The following MXI1 variants were observed in gnomAD, a reference collection of about 807,000 sequenced individuals.
MXI1 encodes max-interacting protein 1.
A neutral mutation model predicts 36.9 loss-of-function variants in MXI1; 18 were observed. The observed-to-expected ratio is 0.49, with a 90% CI of 0.34 to 0.72. The LOEUF (loss-of-function observed/expected upper bound fraction) is 0.72. Ranked by LOEUF, MXI1 falls within the 30% of genes least tolerant of loss-of-function variation. The probability of loss-of-function intolerance (pLI) is 0.01; values close to 1 mark genes in which losing one functional copy is unlikely to be tolerated. For missense variants in MXI1, 304 were observed against 379.1 expected (o/e 0.80, Z 1.64); for synonymous variants, 160 against 146.7 (o/e 1.09, Z -0.65).
intron 3 of MXI1, among the ~76,000 whole-genome samples, chr10:110,264,705 C>A (rs987081523): frequency 2.0e-5 from 3 of 152,034 alleles, no homozygotes; most frequent in African/African-American, 7.3e-5. Flanking sequence ...TAAACTTCAT[C>A]CAGATGAAGA....
Position 110,287,356 on chromosome 10 carries a change from G to A in MXI1, c.*2369G>A, listed in dbSNP as rs566750724. 12 of 152,278 alleles carry A rather than the reference G, an allele frequency of 7.9e-5. No individual in the cohort carries two copies. The highest frequency in any genetic ancestry group is 2.4e-4 in the African/African-American group (10 of 41,568). The allele number at this position is 152,278 out of a possible 1,614,324, so 9.4% of individuals were successfully genotyped here. Reference sequence around the variant, plus strand: ...GTTAATTGGAAGAAATAAAAACTGTGAACGAAGAATACCTTTCTTTTTGTA... The same window carrying A: ...GTTAATTGGAAGAAATAAAAACTGTAAACGAAGAATACCTTTCTTTTTGTA... On this transcript the variant is annotated 3_prime_UTR_variant, in exon 6 of 6. Coordinates refer to ENST00000332674, the MANE Select transcript of MXI1 (RefSeq NM_130439.3).
At chr10:110,243,906 T>G (rs1855764090) in intron 2 of MXI1, among the ~76,000 whole-genome samples, 1 of 152,112 alleles carries the variant, frequency 6.6e-6, no homozygotes. Flanking sequence ...GTCTGTGCCC[T>G]TAACCTCTGT....
At chr10:110,248,522 G>T (rs888678110) in intron 3 of MXI1, among the ~76,000 whole-genome samples, 1 of 152,014 alleles carries the variant, frequency 6.6e-6, no homozygotes, top group Non-Finnish European at 1.5e-5. Flanking sequence ...TAACACATGT[G>T]GTTTTATTAC....
At chr10:110,237,276 T>G (rs1855508007) in intron 2 of MXI1, among the ~76,000 whole-genome samples, 1 of 152,232 alleles carries the variant, frequency 6.6e-6, no homozygotes, top group Admixed American at 6.5e-5. Flanking sequence ...CTTGCCCTGT[T>G]CCTGATCTTA....
intron 2 of MXI1, among the ~76,000 whole-genome samples, chr10:110,243,261 A>G (rs1013868007): frequency 1.3e-4 from 20 of 152,084 alleles, no homozygotes; most frequent in Admixed American, 6.6e-4. Context: ...TTGAAACATC[A>G]TAAGACTCTA....
At chr10:110,226,292 T>G (rs748633103) in intron 1 of MXI1, 1 of 1,493,644 alleles carries the variant, frequency 6.7e-7, no homozygotes, top group South Asian at 1.2e-5. Flanking sequence ...AGGTAATGGC[T>G]GGGCGCCGCT....
chr10:110,250,204 C>T (rs933366465), intron 3 of MXI1, among the ~76,000 whole-genome samples: 1 of 152,052 alleles, frequency 6.6e-6, no homozygotes, highest in Admixed American at 6.5e-5. Flanking sequence ...GTTGGTTATA[C>T]TGAGTATGCT....
intron 1 of MXI1, among the ~76,000 whole-genome samples, chr10:110,213,741 C>T (rs1293667480): frequency 6.6e-6 from 1 of 152,220 alleles, no homozygotes; most frequent in African/African-American, 2.4e-5. Context: ...ACAGTAGCTG[C>T]TCATCCATCT....
intron 1 of MXI1, chr10:110,208,339 G>GC: frequency 2.8e-6 from 1 of 351,498 alleles, no homozygotes; most frequent in Non-Finnish European, 5.2e-6. Flanking sequence ...CTGGGAGGAT[G>GC]GCCCAGCGGA....
At chr10:110,260,416 GGTGTGTGTGTGTGT>G (rs151334728) in intron 3 of MXI1, among the ~76,000 whole-genome samples, 2,920 of 144,642 alleles carry the variant, frequency 0.02, 34 homozygotes, top group Middle Eastern at 0.032. Context: ...CCTTGATACA[GGTGTGTGTGTGTGT>G]GTGTGTGTGT....
At chr10:110,224,015 A>C (rs1011197439) in intron 1 of MXI1, among the ~76,000 whole-genome samples, 1 of 152,198 alleles carries the variant, frequency 6.6e-6, no homozygotes, top group Non-Finnish European at 1.5e-5. Flanking sequence ...AGAAAAAAGA[A>C]AACAAAAGGT....
intron 1 of MXI1, among the ~76,000 whole-genome samples, chr10:110,213,913 C>T (rs968750379): frequency 6.6e-6 from 1 of 152,242 alleles, no homozygotes. Context: ...ATAATGGCTA[C>T]AATTTATTGA....
At chr10:110,280,227 C>A in intron 5 of MXI1, 142 bp downstream of exon 5, 1 of 567,292 alleles carries the variant, frequency 1.8e-6, no homozygotes, top group African/African-American at 1.9e-5. Flanking sequence ...ATAATATTGT[C>A]TACAGCAGTG....
At chr10:110,209,939 CT>C (rs1428042140) in intron 1 of MXI1, among the ~76,000 whole-genome samples, 4 of 151,124 alleles carry the variant, frequency 2.6e-5, no homozygotes, top group African/African-American at 7.3e-5. Flanking sequence ...GCCACCCCCC[CT>C]CACCAGCGAG....
At chr10:110,225,631 T>C (rs1176183796) in intron 1 of MXI1, among the ~76,000 whole-genome samples, 1 of 152,192 alleles carries the variant, frequency 6.6e-6, no homozygotes, top group Non-Finnish European at 1.5e-5. Context: ...TCTCAGCCCC[T>C]GGGCAACCGC....
chr10:110,221,613 T>TA (rs1192261514), intron 1 of MXI1, among the ~76,000 whole-genome samples: 1 of 152,196 alleles, frequency 6.6e-6, no homozygotes, highest in African/African-American at 2.4e-5. Flanking sequence ...ATCACTGAAA[T>TA]AGGCTGCTGT....
chr10:110,273,326 C>T (rs1019374023), intron 3 of MXI1, among the ~76,000 whole-genome samples: 4 of 152,154 alleles, frequency 2.6e-5, no homozygotes, highest in Admixed American at 1.3e-4. Flanking sequence ...AGATTACAGG[C>T]ATGAGCCACC....
intron 2 of MXI1, among the ~76,000 whole-genome samples, chr10:110,237,542 A>T (rs898946096): frequency 6.6e-6 from 1 of 152,272 alleles, no homozygotes; most frequent in Admixed American, 6.5e-5. Flanking sequence ...CTACTTATTC[A>T]TGTTGTATTT....
chr10:110,277,838 C>T (rs968083993), intron 3 of MXI1, among the ~76,000 whole-genome samples: 1 of 152,234 alleles, frequency 6.6e-6, no homozygotes, highest in Non-Finnish European at 1.5e-5. Flanking sequence ...CCTTGCTTGT[C>T]ATGACATAAT....
Sources: gnomAD v4.1 joint callset for allele counts (sites outside exome capture counted in the v4.1 genomes callset) on GRCh38, gnomAD v4.1.1 for gene constraint, MANE v1.5 for transcripts, NCBI Gene and HGNC (gene_info 2026-07-23, HGNC 2026-07-21) for gene names.